Variants in MSH3 observed in about 807,000 individuals in gnomAD.
MSH3 encodes the protein DNA mismatch repair protein Msh3.
MSH3 carries 106 observed loss-of-function variants against 123.3 expected under a neutral mutation model. That is an observed-to-expected ratio of 0.86 (90% CI 0.73 to 1.01). The LOEUF (loss-of-function observed/expected upper bound fraction) is 1.01, where lower values mean the gene tolerates loss of function less well. Among genes scored for constraint, MSH3 ranks in the 50% least tolerant of loss-of-function variants. The probability of loss-of-function intolerance (pLI) is 0.00; values close to 1 mark genes in which losing one functional copy is unlikely to be tolerated. For synonymous variants in MSH3, 515 were observed against 481.4 expected (o/e 1.07, Z -0.91); for missense variants, 1,459 against 1,347.6 (o/e 1.08, Z -1.29).
At chr5:80,682,896 T>A (rs6864910) in intron 8 of MSH3, among the ~76,000 whole-genome samples, 18,353 of 152,156 alleles carry the variant, frequency 0.12, 1,563 homozygotes, top group East Asian at 0.33. Flanking sequence ...TTCTACTCTC[T>A]ATCTCCATGA....
chr5:80,808,858 C>CATATATATATAT (rs747818551), intron 19 of MSH3, among the ~76,000 whole-genome samples: 8,547 of 62,942 alleles, frequency 0.14, 481 homozygotes, highest in Non-Finnish European at 0.19. Context: ...ATATCTTCTT[C>CATATATATATAT]ATATATATAT....
chr5:80,780,309 A>G (rs1293947778), intron 17 of MSH3, among the ~76,000 whole-genome samples: 2 of 152,222 alleles, frequency 1.3e-5, no homozygotes, highest in African/African-American at 4.8e-5. Context: ...AGTCCATAGG[A>G]ACCAGCTCTA....
rs1486296739 is a variant in MSH3 at position 80,876,697 on chromosome 5, A to ATT, written c.*836_*837insTT. ...TTTTAAAAACTAGAGCACAGAAGGAATAAGGTCATGAAATTTAAAAGGTTA... is the reference window on the plus strand; with the variant it reads ...TTTTAAAAACTAGAGCACAGAAGGAATTTAAGGTCATGAAATTTAAAAGGTTA... On this transcript the variant is annotated 3_prime_UTR_variant, in exon 24 of 24. Coordinates refer to ENST00000265081, the MANE Select transcript of MSH3 (RefSeq NM_002439.5). Among the ~76,000 whole-genome samples, 2 of 152,136 alleles carry ATT rather than the reference A, an allele frequency of 1.3e-5. No homozygotes were observed. Among genetic ancestry groups the ATT allele is most frequent in the Non-Finnish European group, 2.9e-5 (2 of 68,016 alleles).
intron 16 of MSH3, among the ~76,000 whole-genome samples, chr5:80,778,477 T>C (rs1248451724): frequency 6.6e-6 from 1 of 152,182 alleles, no homozygotes; most frequent in Non-Finnish European, 1.5e-5. Context: ...AAATAAAAGT[T>C]CTAAACTCTG....
At chr5:80,718,683 T>C (rs1751013636) in intron 8 of MSH3, among the ~76,000 whole-genome samples, 3 of 152,134 alleles carry the variant, frequency 2.0e-5, no homozygotes, top group South Asian at 4.2e-4. Flanking sequence ...AAGAGAACTT[T>C]GTAGATTCTA....
At chr5:80,825,859 T>C (rs962358815) in intron 20 of MSH3, among the ~76,000 whole-genome samples, 5 of 152,340 alleles carry the variant, frequency 3.3e-5, no homozygotes, top group Admixed American at 3.3e-4. Context: ...CTAGGGACAT[T>C]TTTTCTCTCC....
chr5:80,774,064 G>A (rs1038854412), intron 15 of MSH3, among the ~76,000 whole-genome samples: 2 of 152,054 alleles, frequency 1.3e-5, no homozygotes, highest in South Asian at 2.1e-4. Context: ...CATCGCGCCC[G>A]GCCTGAATTT....
chr5:80,686,662 A>G (rs1750101188), intron 8 of MSH3, among the ~76,000 whole-genome samples: 1 of 152,076 alleles, frequency 6.6e-6, no homozygotes, highest in Non-Finnish European at 1.5e-5. Context: ...ACCAGTAAAC[A>G]ATACAGTATT....
At chr5:80,856,283 G>T (rs1745917628) in intron 21 of MSH3, among the ~76,000 whole-genome samples, 1 of 150,606 alleles carries the variant, frequency 6.6e-6, no homozygotes. Context: ...ATAACATTTT[G>T]TTTTTTTTAA....
intron 8 of MSH3, among the ~76,000 whole-genome samples, chr5:80,685,974 T>G (rs1750078603): frequency 6.6e-6 from 1 of 152,204 alleles, no homozygotes; most frequent in Non-Finnish European, 1.5e-5. Flanking sequence ...TTATTCTTGT[T>G]TTCGATTTCT....
chr5:80,694,567 G>T (rs1017079283), intron 8 of MSH3, among the ~76,000 whole-genome samples: 2 of 151,908 alleles, frequency 1.3e-5, no homozygotes, highest in African/African-American at 4.8e-5. Context: ...TTACCTTGCT[G>T]TTTCTTTCCT....
In MSH3 at chr5:80,869,839, T is replaced by TAC. The variant is rs1222307003; in HGVS notation, c.3131-3276_3131-3275insCA. Among the ~76,000 whole-genome samples the TAC allele has an allele frequency of 4.8e-3, 263 of 54,700 alleles. 4 individuals are homozygous for TAC. Among genetic ancestry groups the TAC allele is most frequent in the African/African-American group, 0.013 (242 of 18,258 alleles). 35.9% of individuals were successfully genotyped at this position (54,700 alleles called of 152,430 possible). A position where few individuals can be genotyped will look rare whatever the true frequency, so the allele number is the denominator to read the frequency against. On this transcript the variant is annotated intron_variant, in intron 22 of 23. Transcript: ENST00000265081. ...ATATATATATACATATATACATATA[T>TAC]ATACACACACACACACACACACACT... is the stretch of plus-strand genomic sequence containing the variant.
intron 21 of MSH3, among the ~76,000 whole-genome samples, chr5:80,861,434 G>A (rs1746011933): frequency 6.6e-6 from 1 of 152,180 alleles, no homozygotes; most frequent in African/African-American, 2.4e-5. Flanking sequence ...GGAGACTGGA[G>A]TTGAGTCTTT....
At chr5:80,858,536 G>T (rs950883691) in intron 21 of MSH3, among the ~76,000 whole-genome samples, 1 of 152,018 alleles carries the variant, frequency 6.6e-6, no homozygotes, top group Non-Finnish European at 1.5e-5. Flanking sequence ...TTTTTGTTAT[G>T]ATTCCTAGTT....
At chr5:80,706,740 C>T (rs1750732376) in intron 8 of MSH3, among the ~76,000 whole-genome samples, 1 of 152,120 alleles carries the variant, frequency 6.6e-6, no homozygotes. Flanking sequence ...GAATTAGAAT[C>T]TTATGCCAAA....
At chr5:80,793,622 G>A (rs535673092) in intron 19 of MSH3, among the ~76,000 whole-genome samples, 1 of 152,282 alleles carries the variant, frequency 6.6e-6, no homozygotes, top group African/African-American at 2.4e-5. Context: ...AGAAGAACCA[G>A]CATGGCAGAT....
chr5:80,750,586 T>C (rs923385309), intron 12 of MSH3, among the ~76,000 whole-genome samples: 1 of 152,200 alleles, frequency 6.6e-6, no homozygotes, highest in Non-Finnish European at 1.5e-5. Flanking sequence ...TGTTTTCTTG[T>C]TATTGAGTAG....
chr5:80,805,304 C>T (rs906369274), intron 19 of MSH3, among the ~76,000 whole-genome samples: 5 of 152,170 alleles, frequency 3.3e-5, no homozygotes, highest in Admixed American at 6.5e-5. Context: ...ACATAGTGAT[C>T]AGGCAAGCCA....
In MSH3 at chr5:80,792,961, A is replaced by G; in HGVS notation, c.2655+117A>G. 5.8e-6 allele frequency: 4 copies of G among 684,104 alleles called. No individual in the cohort carries two copies. In the South Asian group the frequency reaches 6.9e-5, roughly 12 times the overall value. The allele number at this position is 684,104 out of a possible 1,614,324, so 42.4% of individuals were successfully genotyped here. A position where few individuals can be genotyped will look rare whatever the true frequency, so the allele number is the denominator to read the frequency against. On this transcript the variant is annotated intron_variant, in intron 19 of 23. Transcript: ENST00000265081. ...TTTCAACTTTGGCTTTAAATGGGCT[A>G]AGCCTGGACATAGTTTTATATTTAC... is the stretch of plus-strand genomic sequence containing the variant.
Sources: gnomAD v4.1 joint callset for allele counts (sites outside exome capture counted in the v4.1 genomes callset) on GRCh38, gnomAD v4.1.1 for gene constraint, MANE v1.5 for transcripts, NCBI Gene and HGNC (gene_info 2026-07-23, HGNC 2026-07-21) for gene names.